The following ULBP3 variants were observed in gnomAD, a reference collection of about 807,000 sequenced individuals.
ULBP3 encodes UL16 binding protein 3, also known as UL16-binding protein 3.
ULBP3 carries 25 observed loss-of-function variants against 24.9 expected under a neutral mutation model. That is an observed-to-expected ratio of 1.00 (90% confidence interval 0.73 to 1.40). The LOEUF is 1.40. Among genes scored for constraint, ULBP3 ranks in the 40% most tolerant of loss-of-function variants. The pLI is 0.00. For missense variants in ULBP3, 306 were observed against 307.5 expected, an observed-to-expected ratio of 1.00 and a Z score of 0.04; for synonymous variants, 114 against 114.7, an observed-to-expected ratio of 0.99 and a Z score of 0.04.
At position 150,062,898 on chromosome 6, in the gene ULBP3, C is replaced by A. The variant is rs181900050; in HGVS notation, c.*476G>T. Among the ~76,000 whole-genome samples, 1 of 151,338 alleles carries A rather than the reference C, an allele frequency of 6.6e-6. No homozygotes were observed. Among genetic ancestry groups the A allele is most frequent in the African/African-American group, 2.4e-5 (1 of 41,100 alleles). On this transcript the variant is annotated 3_prime_UTR_variant, in exon 5 of 5. Transcript: ENST00000367339. ...CAGGTGGATCATGAGGTCAGGAGAT[C>A]GAGACCATCCTGGCTAACAAGGTGA...
intron 1 of ULBP3, among the ~76,000 whole-genome samples, chr6:150,067,690 C>T (rs896108875): frequency 6.6e-6 from 1 of 152,210 alleles, no homozygotes; most frequent in African/African-American, 2.4e-5. Flanking sequence ...TGGGATGCAG[C>T]CATACACACT....
intron 1 of ULBP3, among the ~76,000 whole-genome samples, chr6:150,067,773 T>A (rs1375899591): frequency 6.6e-6 from 1 of 152,154 alleles, no homozygotes; most frequent in South Asian, 2.1e-4. Flanking sequence ...CCCAGAAGCA[T>A]GTGTGGTTGG....
At position 150,061,091 on chromosome 6, in the gene ULBP3, C is replaced by A. The variant is rs559648774; in HGVS notation, c.*2283G>T. 2.4e-4 allele frequency among the ~76,000 whole-genome samples: 36 copies of A among 150,552 alleles called. No homozygotes were observed. Among genetic ancestry groups the A allele is most frequent in the Non-Finnish European group, 4.9e-4 (33 of 67,872 alleles). ...CAGTGTTTAATTTTAGGGTTTGGCA[C>A]TTTCACGTATAACTTTTATACAATT... is the stretch of plus-strand genomic sequence containing the variant. On this transcript the variant is annotated 3_prime_UTR_variant, in exon 5 of 5. Coordinates refer to ENST00000367339, the MANE Select transcript of ULBP3 (RefSeq NM_024518.3).
rs147871652 is a variant in ULBP3 at position 150,063,330 on chromosome 6, G to A, written c.*44C>T. 268 of 977,618 alleles carry A rather than the reference G, an allele frequency of 2.7e-4. No individual in the cohort carries two copies. In the African/African-American group the frequency reaches 4.3e-3, roughly 16 times the overall value. 60.6% of individuals were successfully genotyped at this position (977,618 alleles called of 1,614,324 possible). On this transcript the variant is annotated 3_prime_UTR_variant, in exon 5 of 5. Coordinates refer to ENST00000367339, the MANE Select transcript of ULBP3 (RefSeq NM_024518.3). ...CAGGAACCAGACCAGGCTAACAGAG[G>A]CTTCTTGATATCACCTTCCACCTTG... is the stretch of plus-strand genomic sequence containing the variant.
intron 1 of ULBP3, among the ~76,000 whole-genome samples, 197 bp from the exon 2 acceptor site, chr6:150,066,359 C>T (rs1261003342): frequency 6.6e-6 from 1 of 152,170 alleles, no homozygotes; most frequent in East Asian, 1.9e-4. Flanking sequence ...CCTATACTCA[C>T]ATCCGTCAGC....
chr6:150,067,342 G>T (rs530731237), intron 1 of ULBP3, among the ~76,000 whole-genome samples: 1 of 152,296 alleles, frequency 6.6e-6, no homozygotes, highest in South Asian at 2.1e-4. Context: ...CACAGAGCCA[G>T]ATGGGTAGTC....
At chr6:150,066,506 G>A (rs1227492856) in intron 1 of ULBP3, among the ~76,000 whole-genome samples, 3 of 152,178 alleles carry the variant, frequency 2.0e-5, no homozygotes, top group Admixed American at 2.0e-4. Context: ...GGAGCGTGGT[G>A]CAGTGGGTAC....
At chr6:150,064,322 AC>A (rs1296769824) in intron 4 of ULBP3, among the ~76,000 whole-genome samples, 2 of 151,914 alleles carry the variant, frequency 1.3e-5, no homozygotes, top group East Asian at 3.9e-4. Context: ...AACTGTCTAA[AC>A]CCTCTTGAAC....
At position 150,065,522 on chromosome 6, in the gene ULBP3, C is replaced by T. The variant is rs368701934; in HGVS notation, c.504G>A (p.Arg168=). 8 of 1,614,072 alleles carry T rather than the reference C, an allele frequency of 5.0e-6. No homozygotes were observed. In the African/African-American group the frequency reaches 8.0e-5, roughly 16 times the overall value. The part of the protein sequence containing the change: ...KWTVVHAGAR[R]MKEKWEKDSG... ...TATCCTTCTCCCACTTCTCTTTCAT[C>T]CGCCTGGCTCCAGCGTGAACCACTG... The change falls in exon 3 of 5, where the codon CGG becomes CGA. Residue 168 remains arginine, a synonymous_variant. Transcript: ENST00000367339.
Position 150,065,443 on chromosome 6 carries a change from G to T in ULBP3, c.583C>A (p.Leu195Ile), listed in dbSNP as rs1348631817. The T allele has an allele frequency of 6.2e-7, 1 of 1,614,166 alleles. No individual in the cohort carries two copies. The highest frequency in any genetic ancestry group is 2.2e-5 in the East Asian group (1 of 44,882). Residue 195 changes from leucine to isoleucine, a missense_variant, in exon 3 of 5, where the codon CTT (leucine) becomes ATT (isoleucine). By Grantham distance (5) the Leu-to-Ile change is conservative (BLOSUM62 2). Coordinates refer to ENST00000367339, the MANE Select transcript of ULBP3 (RefSeq NM_024518.3). Reference sequence around the variant, plus strand: ...TTCCTGTGCATCAGGAAGTCCCTAAGCCAGCTCTTGCAGTCTCTCATTGAG... The same window carrying T: ...TTCCTGTGCATCAGGAAGTCCCTAATCCAGCTCTTGCAGTCTCTCATTGAG... ...MVSMRDCKSW[L>I]RDFLMHRKKR... is the part of the protein sequence containing the mutation.
Position 150,065,673 on chromosome 6 carries a change from C to T in ULBP3, c.353G>A (p.Gly118Glu), listed in dbSNP as rs1260356177. 2 of 1,613,990 alleles carry T rather than the reference C, an allele frequency of 1.2e-6. No homozygotes were observed. The highest frequency in any genetic ancestry group is 1.7e-6 in the Non-Finnish European group (2 of 1,179,848). ...DTELEDFTPS[G>E]PLTLQVRMSC... ...CATCCTGACCTGCAGCGTGAGGGGT[C>T]CTGCCCCAATCAGAAAGAGATCAGC... Residue 118 changes from glycine (G) to glutamate (E), a missense_variant and splice_region_variant, in exon 3 of 5, where the codon GGA (glycine) becomes GAA (glutamate). By Grantham distance (98) the Gly-to-Glu change is moderately conservative (BLOSUM62 -2). Coordinates refer to ENST00000367339, the MANE Select transcript of ULBP3 (RefSeq NM_024518.3).
intron 4 of ULBP3, among the ~76,000 whole-genome samples, chr6:150,063,755 CA>C (rs1234563947): frequency 3.3e-5 from 5 of 152,210 alleles, no homozygotes; most frequent in Non-Finnish European, 5.9e-5. Flanking sequence ...AGCCTCTCCT[CA>C]CCCTGGGAGC....
chr6:150,068,900 C>G (rs1052883857), intron 1 of ULBP3, 79 bp downstream of exon 1: 1 of 1,420,628 alleles, frequency 7.0e-7, no homozygotes, highest in African/African-American at 1.4e-5. Context: ...TAGAAGGCTT[C>G]CCTCCTCTGA....
In ULBP3 at chr6:150,065,658, T is replaced by TGCAGCGTGAGGGGTCCTGCCCC; in HGVS notation, c.353-7_367dup (p.Gln123ArgfsTer14). On this transcript the variant is annotated frameshift_variant, in exon 3 of 5. Transcript: ENST00000367339. LOFTEE classifies it high-confidence loss of function. ...TTCACACTCACAAGACATCCTGACCTGCAGCGTGAGGGGTCCTGCCCCAAT... is the reference window on the plus strand; with the variant it reads ...TTCACACTCACAAGACATCCTGACCTGCAGCGTGAGGGGTCCTGCCCCGCAGCGTGAGGGGTCCTGCCCCAAT... The TGCAGCGTGAGGGGTCCTGCCCC allele has an allele frequency of 2.5e-6, 4 of 1,614,200 alleles. No homozygotes were observed. Among genetic ancestry groups the TGCAGCGTGAGGGGTCCTGCCCC allele is most frequent in the Non-Finnish European group, 3.4e-6 (4 of 1,180,018 alleles).
Position 150,065,627 on chromosome 6 carries a change from A to G in ULBP3, c.399T>C (p.Asp133=), listed in dbSNP as rs752079116. Residue 133 remains aspartate (D), a synonymous_variant, in exon 3 of 5, where the codon GAT becomes GAC. Coordinates refer to ENST00000367339, the MANE Select transcript of ULBP3 (RefSeq NM_024518.3). Reference sequence around the variant, plus strand: ...ACTGCCAAGATCCACGGATGTATCCATCGGCTTCACACTCACAAGACATCC... The same window carrying G: ...ACTGCCAAGATCCACGGATGTATCCGTCGGCTTCACACTCACAAGACATCC... ...QVRMSCECEA[D]GYIRGSWQFS... is the part of the protein sequence containing the mutation. 1.9e-6 allele frequency: 3 copies of G among 1,614,082 alleles called. No individual in the cohort carries two copies. Among genetic ancestry groups the G allele is most frequent in the Non-Finnish European group, 2.5e-6 (3 of 1,180,028 alleles).
At chr6:150,067,297 C>A (rs1776361497) in intron 1 of ULBP3, among the ~76,000 whole-genome samples, 1 of 152,150 alleles carries the variant, frequency 6.6e-6, no homozygotes, top group African/African-American at 2.4e-5. Flanking sequence ...CTCCTTCAAC[C>A]CCACAGCAAT....
chr6:150,063,922 G>C (rs1040634452), intron 4 of ULBP3, among the ~76,000 whole-genome samples: 12 of 152,210 alleles, frequency 7.9e-5, no homozygotes, highest in Admixed American at 1.3e-4. Context: ...GATCTGGAGT[G>C]TGCACGAGGC....
chr6:150,063,964 C>A (rs1776309446), intron 4 of ULBP3, among the ~76,000 whole-genome samples: 1 of 152,204 alleles, frequency 6.6e-6, no homozygotes, highest in South Asian at 2.1e-4. Flanking sequence ...CAGGGCCTAG[C>A]CAGGAATCCC....
Position 150,068,980 on chromosome 6 carries a change from G to C in ULBP3, c.87C>G (p.Ala29=), listed in dbSNP as rs374013001. 5.0e-6 allele frequency: 8 copies of C among 1,605,598 alleles called. 1 individual carries two copies. In the Admixed American group the frequency reaches 6.7e-5, roughly 13 times the overall value. ...CTTAGGCTCCATCCCCGAACTCACC[G>C]GCCCGCCCCGTCCCGGACCAGTCGA... ...LLFDWSGTGR[A]DAHSLWYNFT... Residue 29 remains alanine (A), a splice_region_variant and synonymous_variant, in exon 1 of 5, where the codon GCC becomes GCG. Coordinates refer to ENST00000367339, the MANE Select transcript of ULBP3 (RefSeq NM_024518.3).
Sources: allele counts gnomAD v4.1 joint callset (sites outside exome capture counted in the v4.1 genomes callset), GRCh38; gene constraint gnomAD v4.1.1; transcripts MANE v1.5; gene names NCBI Gene and HGNC (gene_info 2026-07-23, HGNC 2026-07-21).